The following SLC26A4 variants were observed in gnomAD, a reference collection of about 807,000 sequenced individuals.
SLC26A4 encodes solute carrier family 26 member 4, also known as pendrin.
In SLC26A4, 93 loss-of-function variants were observed where a neutral mutation model predicts 90.4. The observed-to-expected ratio is 1.03, with a 90% CI of 0.87 to 1.22. The LOEUF (loss-of-function observed/expected upper bound fraction) is 1.22, where lower values mean the gene tolerates loss of function less well. Ranked by LOEUF, SLC26A4 falls within the 50% of genes most tolerant of loss-of-function variation. The probability of loss-of-function intolerance (pLI) is 0.00; values close to 1 mark genes in which losing one functional copy is unlikely to be tolerated. For missense variants in SLC26A4, 1,127 were observed against 946.2 expected, an observed-to-expected ratio of 1.19 and a Z score of -2.51; for synonymous variants, 393 against 354.6, an observed-to-expected ratio of 1.11 and a Z score of -1.22.
rs1458066970 is a variant in SLC26A4 at position 107,695,942 on chromosome 7, G to T, written c.1447G>T (p.Val483Leu). ...RQNKIDAVIW[V>L]FTCIVSIILG... is the part of the protein sequence containing the mutation. The stretch of plus-strand genomic sequence containing the variant: ...CTATTTTTTTCCCTAGGTTATCTGG[G>T]TGTTTACGTGTATAGTGTCCATCAT... The change falls in exon 13 of 21, where the codon GTG (valine) becomes TTG (leucine). Residue 483 changes from valine to leucine, a missense_variant. Val to Leu is a conservative substitution (Grantham distance 32, BLOSUM62 1). Coordinates refer to ENST00000644269, the MANE Select transcript of SLC26A4 (RefSeq NM_000441.2). 3 of 1,584,306 alleles carry T rather than the reference G, an allele frequency of 1.9e-6. No individual in the cohort carries two copies. The highest frequency in any genetic ancestry group is 1.1e-5 in the South Asian group (1 of 90,440).
chr7:107,714,819 C>G (rs1275819259), intron 20 of SLC26A4, among the ~76,000 whole-genome samples: 4 of 151,980 alleles, frequency 2.6e-5, no homozygotes, highest in African/African-American at 9.7e-5. Flanking sequence ...GTAATAATAC[C>G]ACAGAGTTGT....
intron 3 of SLC26A4, among the ~76,000 whole-genome samples, chr7:107,670,679 G>T (rs1790841199): frequency 6.6e-6 from 1 of 152,144 alleles, no homozygotes. Flanking sequence ...GTGGGGGCCA[G>T]CATATTCAGG....
intron 13 of SLC26A4, among the ~76,000 whole-genome samples, chr7:107,697,277 G>A (rs966175279): frequency 2.6e-5 from 4 of 152,214 alleles, no homozygotes; most frequent in Non-Finnish European, 4.4e-5. Flanking sequence ...AAACCTGTAA[G>A]CCAAGGAATA....
chr7:107,691,065 A>T (rs1200037549), intron 10 of SLC26A4, among the ~76,000 whole-genome samples: 1 of 151,446 alleles, frequency 6.6e-6, no homozygotes, highest in Non-Finnish European at 1.5e-5. Context: ...TAAGAAGTGC[A>T]TTGAGACTCC....
At chr7:107,701,015 T>C (rs1425643387) in intron 15 of SLC26A4, 86 bp from the exon 16 acceptor site, 1 of 846,058 alleles carries the variant, frequency 1.2e-6, no homozygotes, top group East Asian at 2.5e-5. Flanking sequence ...TTATACCCTT[T>C]GAGAAATAGC....
intron 8 of SLC26A4, among the ~76,000 whole-genome samples, chr7:107,686,896 T>C (rs147962524): frequency 9.8e-5 from 15 of 152,334 alleles, no homozygotes; most frequent in African/African-American, 3.4e-4. Flanking sequence ...TTTTAAAGTA[T>C]GTGCTTTGCA....
chr7:107,668,325 A>T (rs2129310392), intron 3 of SLC26A4, among the ~76,000 whole-genome samples: 1 of 152,284 alleles, frequency 6.6e-6, no homozygotes, highest in Middle Eastern at 3.4e-3. Context: ...GGATAGAGAG[A>T]AAGTGGATCG....
intron 17 of SLC26A4, among the ~76,000 whole-genome samples, chr7:107,702,795 G>T (rs1451841571): frequency 2.0e-5 from 3 of 151,490 alleles, no homozygotes; most frequent in Non-Finnish European, 2.9e-5. Flanking sequence ...TATATGAAAA[G>T]AAAAAAATGG....
rs772115833 is a variant in SLC26A4 at position 107,683,304 on chromosome 7, G to A, written c.868G>A (p.Asp290Asn). ...CTGTATGGCAGTTAAGGAATTAAATGATCGGTTTAGACACAAAATCCCAGT... is the reference window on the plus strand; with the variant it reads ...CTGTATGGCAGTTAAGGAATTAAATAATCGGTTTAGACACAAAATCCCAGT... ...VVCMAVKELN[D>N]RFRHKIPVPI... The change falls in exon 7 of 21, where the codon GAT becomes AAT. Residue 290 changes from aspartate (D) to asparagine (N), a missense_variant. Asp to Asn is a conservative substitution (Grantham distance 23). Coordinates refer to ENST00000644269, the MANE Select transcript of SLC26A4 (RefSeq NM_000441.2). 10 of 1,613,572 alleles carry A rather than the reference G, an allele frequency of 6.2e-6. No homozygotes were observed. Among genetic ancestry groups the A allele is most frequent in the Non-Finnish European group, 8.5e-6 (10 of 1,179,766 alleles).
intron 3 of SLC26A4, among the ~76,000 whole-genome samples, chr7:107,670,358 C>T (rs986658952): frequency 2.6e-5 from 4 of 152,036 alleles, no homozygotes; most frequent in South Asian, 4.2e-4. Flanking sequence ...CCACCCACTT[C>T]GGCCTCCCAA....
intron 9 of SLC26A4, among the ~76,000 whole-genome samples, 193 bp from the exon 10 acceptor site, chr7:107,689,931 C>T (rs960568487): frequency 2.0e-5 from 3 of 152,184 alleles, no homozygotes; most frequent in African/African-American, 4.8e-5. Flanking sequence ...TGAGACCTCT[C>T]TCAGATGGTA....
chr7:107,667,461 T>TCAAA (rs1790748092), intron 3 of SLC26A4, among the ~76,000 whole-genome samples: 1 of 39,258 alleles, frequency 2.5e-5, no homozygotes, highest in Admixed American at 4.9e-4. Context: ...AGAGAAGGTT[T>TCAAA]AAAAAAAAAA....
intron 18 of SLC26A4, among the ~76,000 whole-genome samples, chr7:107,704,677 A>C (rs1156985917): frequency 6.6e-6 from 1 of 152,244 alleles, no homozygotes; most frequent in Non-Finnish European, 1.5e-5. Flanking sequence ...TGTAAGTCAG[A>C]GACAGTGAGA....
chr7:107,704,458 CA>C, intron 18 of SLC26A4, 73 bp downstream of exon 18: 1 of 689,808 alleles, frequency 1.4e-6, no homozygotes, highest in Non-Finnish European at 2.6e-6. Flanking sequence ...GGACTGTGGT[CA>C]CATTATGTCT....
chr7:107,686,393 CCT>C (rs1222053595), intron 8 of SLC26A4, among the ~76,000 whole-genome samples: 6 of 142,498 alleles, frequency 4.2e-5, no homozygotes, highest in Non-Finnish European at 7.7e-5. Flanking sequence ...TTCCTTCCTT[CCT>C]CTCTCTCTTT....
In SLC26A4 at chr7:107,674,326, C is replaced by T. The variant is rs111033348; in HGVS notation, c.578C>T (p.Thr193Ile). 1.1e-5 allele frequency: 18 copies of T among 1,613,148 alleles called. No individual in the cohort carries two copies. The highest frequency in any genetic ancestry group is 3.3e-4 in the Middle Eastern group (2 of 6,080). Residue 193 changes from threonine (T) to isoleucine (I), a missense_variant, in exon 5 of 21, where the codon ACT becomes ATT. Physicochemically the swap from Thr to Ile is moderately conservative, Grantham distance 89. Coordinates refer to ENST00000644269, the MANE Select transcript of SLC26A4 (RefSeq NM_000441.2). ...TARVLIASALTLLVGIIQLIF... is the reference protein window; with the variant it reads ...TARVLIASALILLVGIIQLIF... ...AGAGTCCTGATTGCCAGTGCCCTGA[C>T]TCTGCTGGTTGGAATTATACAGGTA...
Position 107,674,409 on chromosome 7 carries a change from G to A in SLC26A4, c.600+61G>A, listed in dbSNP as rs886361580. 10 of 1,242,220 alleles carry A rather than the reference G, an allele frequency of 8.1e-6. No homozygotes were observed. The Admixed American group carries it at 1.4e-4, about 17-fold the overall frequency. 76.9% of individuals were successfully genotyped at this position (1,242,220 alleles called of 1,614,324 possible). A position where few individuals can be genotyped will look rare whatever the true frequency, so the allele number is the denominator to read the frequency against. ...ATTTTTATTTGAAATTAACTTTAAA[G>A]CATATAGACTTAAAGATTCTACTAA... On this transcript the variant is annotated intron_variant, in intron 5 of 20. Transcript: ENST00000644269.
At chr7:107,665,231 G>A (rs1790675349) in intron 3 of SLC26A4, among the ~76,000 whole-genome samples, 1 of 152,156 alleles carries the variant, frequency 6.6e-6, no homozygotes, top group African/African-American at 2.4e-5. Context: ...AATGAATGTT[G>A]AGCAATATTG....
intron 10 of SLC26A4, chr7:107,693,372 G>A: frequency 1.0e-6 from 1 of 985,312 alleles, no homozygotes; most frequent in Non-Finnish European, 1.2e-6. Flanking sequence ...AAATATAAAT[G>A]ATCAATTTGC....
Sources: gnomAD v4.1 joint callset for allele counts (sites outside exome capture counted in the v4.1 genomes callset) on GRCh38, gnomAD v4.1.1 for gene constraint, MANE v1.5 for transcripts, NCBI Gene and HGNC (gene_info 2026-07-23, HGNC 2026-07-21) for gene names.